CNST: variants seen among roughly 807,000 people sequenced by gnomAD.
CNST encodes consortin.
CNST carries 39 observed loss-of-function variants against 72.4 expected under a neutral mutation model. That is an observed-to-expected ratio of 0.54 (90% confidence interval 0.42 to 0.70). CNST has a LOEUF of 0.70. Among genes scored for constraint, CNST ranks in the 30% least tolerant of loss-of-function variants. The probability of loss-of-function intolerance (pLI) is 0.00; values close to 1 mark genes in which losing one functional copy is unlikely to be tolerated. For synonymous variants in CNST, 332 were observed against 320.1 expected (o/e 1.04, Z -0.40); for missense variants, 871 against 868.5 (o/e 1.00, Z -0.04).
In CNST at chr1:246,566,553, G is replaced by C. The variant is rs1245376472; in HGVS notation, c.-162G>C. The C allele has an allele frequency of 9.6e-6, 4 of 415,384 alleles. No homozygotes were observed. The highest frequency in any genetic ancestry group is 1.7e-5 in the Non-Finnish European group (4 of 233,640). The allele number at this position is 415,384 out of a possible 1,614,324, so 25.7% of individuals were successfully genotyped here. A position where few individuals can be genotyped will look rare whatever the true frequency, so the allele number is the denominator to read the frequency against. On this transcript the variant is annotated 5_prime_UTR_variant, in exon 1 of 11. Transcript: ENST00000366513. ...AGAGGTGTCTCCTCCACCGGAGCCA[G>C]GGGAGACCCGAGCAAGCTCCGTGAC... is the stretch of plus-strand genomic sequence containing the variant.
chr1:246,596,116 C>A (rs568076214), intron 2 of CNST, among the ~76,000 whole-genome samples: 1 of 152,106 alleles, frequency 6.6e-6, no homozygotes, highest in East Asian at 1.9e-4. Context: ...AGCTGTGTTA[C>A]AACAAGTTTT....
intron 7 of CNST, 55 bp from the exon 8 acceptor site, chr1:246,641,886 A>T: frequency 7.0e-7 from 1 of 1,426,142 alleles, no homozygotes. Context: ...TCAGCTTCCT[A>T]GTTTAATACA....
intron 2 of CNST, among the ~76,000 whole-genome samples, chr1:246,598,099 A>G (rs969287177): frequency 2.0e-5 from 3 of 152,018 alleles, no homozygotes; most frequent in African/African-American, 7.2e-5. Context: ...CTCTCACCTC[A>G]GCCTCCCAAG....
chr1:246,582,999 G>A (rs767814018), intron 1 of CNST, among the ~76,000 whole-genome samples: 21 of 152,242 alleles, frequency 1.4e-4, no homozygotes, highest in Non-Finnish European at 2.5e-4. Flanking sequence ...TTGTCCGCCC[G>A]TTAGCGTGAT....
At chr1:246,575,537 A>AT (rs1181882043) in intron 1 of CNST, among the ~76,000 whole-genome samples, 1 of 152,176 alleles carries the variant, frequency 6.6e-6, no homozygotes, top group Non-Finnish European at 1.5e-5. Flanking sequence ...CAGAAAGTAC[A>AT]TGAGTGGTTT....
In CNST at chr1:246,641,991, A is replaced by G. The variant is rs770140290; in HGVS notation, c.891A>G (p.Leu297=). ...SQERKCSTQL[L]VSEDPKEGGA... is the part of the protein sequence containing the mutation. ...AAAGGAAATGCTCCACGCAGTTACT[A>G]GTGTCTGAAGATCCAAAGGAAGGAG... Residue 297 remains leucine, a synonymous_variant, in exon 8 of 11, where the codon CTA becomes CTG. Transcript: ENST00000366513. 1.2e-6 allele frequency: 2 copies of G among 1,612,838 alleles called. No homozygotes were observed. The highest frequency in any genetic ancestry group is 1.3e-5 in the African/African-American group (1 of 74,884).
intron 1 of CNST, among the ~76,000 whole-genome samples, chr1:246,576,662 T>A (rs1464347954): frequency 1.3e-5 from 2 of 151,616 alleles, no homozygotes; most frequent in African/African-American, 2.4e-5. Context: ...CGCGGCACAT[T>A]TTTGTATTTT....
At chr1:246,630,753 GT>G (rs893210906) in intron 3 of CNST, among the ~76,000 whole-genome samples, 2 of 150,886 alleles carry the variant, frequency 1.3e-5, no homozygotes, top group African/African-American at 2.4e-5. Flanking sequence ...GTTTGTTTTG[GT>G]TTTTTTTTGA....
intron 2 of CNST, among the ~76,000 whole-genome samples, chr1:246,602,625 A>G (rs778042144): frequency 1.3e-5 from 2 of 152,178 alleles, no homozygotes; most frequent in Non-Finnish European, 2.9e-5. Context: ...TATTCCTTTC[A>G]TTAGAAGCAG....
In CNST at chr1:246,586,429, A is replaced by G. The variant is rs1046366046; in HGVS notation, c.-51-5083A>G. Among the ~76,000 whole-genome samples the G allele has an allele frequency of 9.4e-5, 14 of 148,226 alleles. No individual in the cohort carries two copies. The East Asian group carries it at 2.3e-3, about 25-fold the overall frequency. Reference sequence around the variant, plus strand: ...ACATATCTTTTATATATATCTATATATGATATATATGCAAGCTATATCTTA... The same window carrying G: ...ACATATCTTTTATATATATCTATATGTGATATATATGCAAGCTATATCTTA... On this transcript the variant is annotated intron_variant, in intron 1 of 10. Coordinates refer to ENST00000366513, the MANE Select transcript of CNST (RefSeq NM_152609.3).
intron 1 of CNST, 61 bp downstream of exon 1, chr1:246,566,724 T>C: frequency 2.5e-6 from 1 of 400,226 alleles, no homozygotes; most frequent in Non-Finnish European, 4.4e-6. Flanking sequence ...ATGGAAAGCC[T>C]TTCGGAAGCC....
At chr1:246,643,351 A>G (rs898546508) in intron 8 of CNST, among the ~76,000 whole-genome samples, 1 of 152,178 alleles carries the variant, frequency 6.6e-6, no homozygotes, top group African/African-American at 2.4e-5. Flanking sequence ...TCACAGTAAA[A>G]TGAGCTTCAT....
intron 2 of CNST, chr1:246,607,198 A>C (rs894434579): frequency 1.3e-5 from 2 of 151,806 alleles, no homozygotes; most frequent in Admixed American, 1.3e-4. Context: ...GTAAGTGTCC[A>C]GGTCGACGGG....
At chr1:246,567,278 G>A (rs1484807988) in intron 1 of CNST, among the ~76,000 whole-genome samples, 2 of 151,912 alleles carry the variant, frequency 1.3e-5, no homozygotes, top group Non-Finnish European at 2.9e-5. Flanking sequence ...CAAACACATC[G>A]TACTGTGGAA....
chr1:246,655,389 T>A (rs1222147532), intron 9 of CNST, among the ~76,000 whole-genome samples: 1 of 152,222 alleles, frequency 6.6e-6, no homozygotes, highest in Non-Finnish European at 1.5e-5. Flanking sequence ...AAATGGCTGC[T>A]GCTTACAGCT....
At chr1:246,574,403 A>G (rs1660260056) in intron 1 of CNST, among the ~76,000 whole-genome samples, 1 of 152,116 alleles carries the variant, frequency 6.6e-6, no homozygotes. Context: ...GTTATTCAAA[A>G]ATTCGTGTTT....
intron 1 of CNST, among the ~76,000 whole-genome samples, chr1:246,575,587 G>A (rs923264342): frequency 6.6e-6 from 1 of 152,158 alleles, no homozygotes; most frequent in Admixed American, 6.5e-5. Flanking sequence ...GCAGGAGAAT[G>A]GGAAATCACT....
chr1:246,663,162 T>G (rs1222596340), intron 10 of CNST, among the ~76,000 whole-genome samples: 5 of 151,914 alleles, frequency 3.3e-5, no homozygotes, highest in Non-Finnish European at 5.9e-5. Context: ...GAGACCAGCC[T>G]GGGCAAACAT....
In CNST at chr1:246,646,542, G is replaced by T. The variant is rs972086506; in HGVS notation, c.938-597G>T. On this transcript the variant is annotated intron_variant, in intron 8 of 10. Transcript: ENST00000366513. ...GTTGCCCAGGCTGGAGTGCAATGGC[G>T]TGATCTCAGGTAACCGCAGCCTCCG... is the stretch of plus-strand genomic sequence containing the variant. 3.9e-5 allele frequency among the ~76,000 whole-genome samples: 6 copies of T among 152,180 alleles called. No homozygotes were observed. The South Asian group carries it at 1.2e-3, about 32-fold the overall frequency.
Sources: gnomAD v4.1 joint callset for allele counts (sites outside exome capture counted in the v4.1 genomes callset) on GRCh38, gnomAD v4.1.1 for gene constraint, MANE v1.5 for transcripts, NCBI Gene and HGNC (gene_info 2026-07-23, HGNC 2026-07-21) for gene names.